Variants in CEP170 observed in about 807,000 individuals in gnomAD.
The protein encoded by CEP170 is centrosomal protein of 170 kDa.
CEP170 carries 21 observed loss-of-function variants against 151.9 expected under a neutral mutation model. The ratio of observed to expected loss-of-function variants is 0.14; its 90% CI spans 0.10 to 0.20. The LOEUF is 0.20. Among genes scored for constraint, CEP170 ranks in the 10% least tolerant of loss-of-function variants. CEP170 has a pLI of 1.00. For missense variants in CEP170, 964 were observed against 1,892.9 expected (o/e 0.51, Z 9.11); for synonymous variants, 356 against 648.8 (o/e 0.55, Z 6.86).
chr1:243,225,683 A>G (rs1034223344), intron 1 of CEP170, among the ~76,000 whole-genome samples: 1 of 152,188 alleles, frequency 6.6e-6, no homozygotes, highest in Admixed American at 6.5e-5. Flanking sequence ...AAATAGCAAT[A>G]CTGTACCAAT....
chr1:243,137,343 C>G (rs1470693418), intron 16 of CEP170, among the ~76,000 whole-genome samples: 27 of 152,082 alleles, frequency 1.8e-4, no homozygotes, highest in African/African-American at 3.4e-4. Context: ...GAAAATAAGG[C>G]CCTAGAAGGC....
intron 4 of CEP170, among the ~76,000 whole-genome samples, chr1:243,206,498 C>T (rs1200292579): frequency 2.6e-5 from 4 of 152,142 alleles, no homozygotes; most frequent in African/African-American, 9.7e-5. Flanking sequence ...CAGAATTCAT[C>T]ACCAGCAAAG....
chr1:243,219,465 A>G (rs1320574520), intron 3 of CEP170, among the ~76,000 whole-genome samples: 1 of 152,232 alleles, frequency 6.6e-6, no homozygotes, highest in Non-Finnish European at 1.5e-5. Flanking sequence ...TCCATGAGTT[A>G]GTATCTTTCA....
At chr1:243,220,815 A>G (rs1012263154) in intron 3 of CEP170, among the ~76,000 whole-genome samples, 19 of 152,248 alleles carry the variant, frequency 1.2e-4, no homozygotes, top group African/African-American at 4.6e-4. Flanking sequence ...TACTTATATT[A>G]TGCCAAATGT....
intron 14 of CEP170, among the ~76,000 whole-genome samples, chr1:243,147,499 A>G (rs2056638348): frequency 6.6e-6 from 1 of 152,214 alleles, no homozygotes; most frequent in Admixed American, 6.5e-5. Flanking sequence ...AAATTCACTT[A>G]AGGTTTCCTA....
At chr1:243,235,249 G>A (rs1287082089) in intron 1 of CEP170, among the ~76,000 whole-genome samples, 1 of 152,170 alleles carries the variant, frequency 6.6e-6, no homozygotes, top group Non-Finnish European at 1.5e-5. Context: ...TAACTCGGGT[G>A]GTGCTCTTCA....
chr1:243,169,149 A>G (rs2058651189), intron 12 of CEP170: 1 of 156,240 alleles, frequency 6.4e-6, no homozygotes, highest in South Asian at 1.9e-4. Context: ...AGATATCAGC[A>G]TATCAGAAAG....
At chr1:243,217,230 A>G (rs1488591274) in intron 3 of CEP170, among the ~76,000 whole-genome samples, 3 of 152,254 alleles carry the variant, frequency 2.0e-5, no homozygotes, top group Non-Finnish European at 4.4e-5. Context: ...ATTACAAAAC[A>G]GAAGAACTGA....
At chr1:243,196,251 T>G (rs2060639937) in intron 7 of CEP170, among the ~76,000 whole-genome samples, 1 of 151,982 alleles carries the variant, frequency 6.6e-6, no homozygotes. Flanking sequence ...AAACTTCTTA[T>G]GGTTAAGAGC....
intron 10 of CEP170, among the ~76,000 whole-genome samples, chr1:243,183,113 A>G (rs924332800): frequency 7.2e-5 from 11 of 151,928 alleles, no homozygotes; most frequent in African/African-American, 2.2e-4. Context: ...GTCTGTGTAT[A>G]TCTATTCCAG....
intron 1 of CEP170, among the ~76,000 whole-genome samples, chr1:243,236,747 C>A (rs370010349): frequency 5.3e-5 from 8 of 152,130 alleles, no homozygotes; most frequent in African/African-American, 1.9e-4. Context: ...GGAAAAGCCA[C>A]ACAAAGCTGT....
intron 12 of CEP170, among the ~76,000 whole-genome samples, chr1:243,168,843 A>T (rs2058628000): frequency 6.6e-6 from 1 of 151,962 alleles, no homozygotes; most frequent in Non-Finnish European, 1.5e-5. Context: ...GAAATATAAA[A>T]GGTAATAAAA....
At chr1:243,132,106 A>G (rs939061081) in intron 17 of CEP170, among the ~76,000 whole-genome samples, 1 of 152,222 alleles carries the variant, frequency 6.6e-6, no homozygotes, top group Admixed American at 6.5e-5. Flanking sequence ...CAGTGTTCAT[A>G]CAATGTAAGT....
At chr1:243,217,399 C>A (rs934055570) in intron 3 of CEP170, among the ~76,000 whole-genome samples, 1 of 152,192 alleles carries the variant, frequency 6.6e-6, no homozygotes, top group African/African-American at 2.4e-5. Context: ...ACCACATTTA[C>A]TCAAAAGGCC....
At chr1:243,181,460 C>A (rs1173405462) in intron 10 of CEP170, among the ~76,000 whole-genome samples, 1 of 152,180 alleles carries the variant, frequency 6.6e-6, no homozygotes, top group East Asian at 1.9e-4. Flanking sequence ...AATACAAACC[C>A]AAATGCTGTA....
chr1:243,211,565 C>T (rs2061807119), intron 4 of CEP170: 1 of 214,176 alleles, frequency 4.7e-6, no homozygotes, highest in Non-Finnish European at 9.3e-6. Context: ...TAAAATTAAA[C>T]ATTCCCCTGT....
intron 14 of CEP170, among the ~76,000 whole-genome samples, chr1:243,149,196 T>C (rs1423534462): frequency 6.6e-6 from 1 of 152,212 alleles, no homozygotes; most frequent in Non-Finnish European, 1.5e-5. Context: ...CTGATGAATA[T>C]GCTTCAGATA....
At chr1:243,146,345 G>C (rs1351044927) in intron 14 of CEP170, among the ~76,000 whole-genome samples, 1 of 152,140 alleles carries the variant, frequency 6.6e-6, no homozygotes, top group African/African-American at 2.4e-5. Flanking sequence ...GAAGAACGCA[G>C]AAGAGATTAG....
At chr1:243,226,580 T>C (rs1285219287) in intron 1 of CEP170, among the ~76,000 whole-genome samples, 6 of 152,218 alleles carry the variant, frequency 3.9e-5, no homozygotes, top group Non-Finnish European at 8.8e-5. Flanking sequence ...ATTGTAATTA[T>C]TTTGTAATTT....
Sources: allele counts gnomAD v4.1 joint callset (sites outside exome capture counted in the v4.1 genomes callset), GRCh38; gene constraint gnomAD v4.1.1; transcripts MANE v1.5; gene names NCBI Gene and HGNC (gene_info 2026-07-23, HGNC 2026-07-21).